CHN2: variants seen among roughly 807,000 people sequenced by gnomAD.
CHN2 encodes chimerin 2.
Under a neutral mutation model 56.3 loss-of-function variants are expected in CHN2, and 35 were observed. That is an observed-to-expected ratio of 0.62 (90% confidence interval 0.47 to 0.82). CHN2 has a LOEUF of 0.82. CHN2 is among the 40% of genes least tolerant of loss of function. CHN2 has a pLI of 0.00. For synonymous variants in CHN2, 210 were observed against 212.8 expected, an observed-to-expected ratio of 0.99 and a Z score of 0.12; for missense variants, 491 against 580.5, an observed-to-expected ratio of 0.85 and a Z score of 1.58.
At chr7:29,277,192 C>T (rs1030597433) in intron 1 of CHN2, among the ~76,000 whole-genome samples, 4 of 152,202 alleles carry the variant, frequency 2.6e-5, no homozygotes, top group Non-Finnish European at 4.4e-5. Context: ...AGATCATTAG[C>T]TGAGCAAGGA....
chr7:29,173,273 T>C (rs1796850402), intron 2 of CHN2, among the ~76,000 whole-genome samples: 1 of 152,150 alleles, frequency 6.6e-6, no homozygotes, highest in Non-Finnish European at 1.5e-5. Flanking sequence ...GCCCTGTAGC[T>C]GGCATTGCCC....
In CHN2 at chr7:29,514,177, C is replaced by T. The variant is rs1791809827; in HGVS notation, c.*1442C>T. The T allele has an allele frequency of 6.6e-6, 1 of 152,600 alleles. No homozygotes were observed. Among genetic ancestry groups the T allele is most frequent in the South Asian group, 2.1e-4 (1 of 4,830 alleles). 9.5% of individuals were successfully genotyped at this position (152,600 alleles called of 1,614,324 possible). ...GCTATTATCCCTCCTCCCAACTGTA[C>T]AGATTTGTTTGTTGTAGTTTATGTA... On this transcript the variant is annotated 3_prime_UTR_variant, in exon 13 of 13. Coordinates refer to ENST00000222792, the MANE Select transcript of CHN2 (RefSeq NM_004067.4).
chr7:29,393,458 G>C (rs542886021), intron 3 of CHN2, among the ~76,000 whole-genome samples: 1 of 152,148 alleles, frequency 6.6e-6, no homozygotes, highest in African/African-American at 2.4e-5. Context: ...GGATGATTGG[G>C]TTTGGGTGGG....
intron 7 of CHN2, among the ~76,000 whole-genome samples, chr7:29,482,790 C>CTTTTTT (rs1562644821): frequency 1.0e-5 from 1 of 97,948 alleles, no homozygotes; most frequent in Non-Finnish European, 2.0e-5. Flanking sequence ...GCTGTCTGCA[C>CTTTTTT]TTTTTTCTTT....
chr7:29,507,147 AT>A (rs11388362), intron 10 of CHN2, 80 bp from the exon 11 acceptor site: 15,169 of 986,392 alleles, frequency 0.015, 4 homozygotes, highest in African/African-American at 0.041. Context: ...TCATCGCTGG[AT>A]TTTTTTTTTT....
intron 9 of CHN2, among the ~76,000 whole-genome samples, chr7:29,502,719 T>G (rs1790105430): frequency 6.6e-6 from 1 of 151,820 alleles, no homozygotes; most frequent in African/African-American, 2.4e-5. Flanking sequence ...CCATACAACT[T>G]GGCATATTAT....
intron 1 of CHN2, among the ~76,000 whole-genome samples, chr7:29,276,593 A>T (rs1025839525): frequency 6.6e-6 from 1 of 152,226 alleles, no homozygotes; most frequent in Middle Eastern, 3.2e-3. Flanking sequence ...AAGTCTTCAT[A>T]GGATGATTGT....
At chr7:29,420,294 C>G (rs995456261) in intron 6 of CHN2, among the ~76,000 whole-genome samples, 10 of 152,118 alleles carry the variant, frequency 6.6e-5, no homozygotes, top group African/African-American at 2.2e-4. Flanking sequence ...GAATTGAAAG[C>G]AGGATCTCAA....
At chr7:29,216,610 T>C (rs1785365309) in intron 1 of CHN2, among the ~76,000 whole-genome samples, 1 of 152,222 alleles carries the variant, frequency 6.6e-6, no homozygotes, top group African/African-American at 2.4e-5. Context: ...CCCCAGCCTC[T>C]CAGTGAGCTG....
chr7:29,187,239 T>C (rs1251564971), intron 2 of CHN2, among the ~76,000 whole-genome samples: 1 of 152,186 alleles, frequency 6.6e-6, no homozygotes, highest in Non-Finnish European at 1.5e-5. Flanking sequence ...TATACTTTTA[T>C]TGAAATCTAC....
intron 1 of CHN2, among the ~76,000 whole-genome samples, chr7:29,248,863 A>G (rs1426127297): frequency 6.6e-6 from 1 of 152,208 alleles, no homozygotes; most frequent in Non-Finnish European, 1.5e-5. Flanking sequence ...AGCCGGGCTT[A>G]GAATCCTGTG....
At chr7:29,418,541 C>CT (rs1447737182) in intron 6 of CHN2, among the ~76,000 whole-genome samples, 1 of 152,188 alleles carries the variant, frequency 6.6e-6, no homozygotes, top group South Asian at 2.1e-4. Flanking sequence ...AAAATGAATT[C>CT]TTTTTTTGTT....
chr7:29,380,791 C>G (rs1368322166), intron 3 of CHN2: 1 of 152,162 alleles, frequency 6.6e-6, no homozygotes, highest in East Asian at 1.9e-4. Context: ...GTACTTCAAG[C>G]TCTTTGGGCT....
chr7:29,315,515 C>T (rs974920320), intron 1 of CHN2, among the ~76,000 whole-genome samples: 4 of 152,092 alleles, frequency 2.6e-5, no homozygotes, highest in African/African-American at 9.7e-5. Context: ...AATTAAGCTC[C>T]CTGAATGAAT....
At chr7:29,431,837 G>T (rs905367600) in intron 6 of CHN2, among the ~76,000 whole-genome samples, 2 of 152,166 alleles carry the variant, frequency 1.3e-5, no homozygotes, top group African/African-American at 4.8e-5. Context: ...TTCCAACAAA[G>T]AACTCTCTTT....
intron 1 of CHN2, among the ~76,000 whole-genome samples, chr7:29,206,190 C>T (rs996618605): frequency 2.0e-5 from 3 of 152,124 alleles, no homozygotes; most frequent in African/African-American, 7.2e-5. Context: ...GCAACTGTAG[C>T]CCCTTCCCTC....
chr7:29,355,481 G>A (rs765752705), intron 2 of CHN2, among the ~76,000 whole-genome samples: 2 of 152,046 alleles, frequency 1.3e-5, no homozygotes, highest in East Asian at 1.9e-4. Flanking sequence ...AGCTCCCCTC[G>A]TGAAGGCAGG....
rs563142050 is a variant in CHN2, at chr7:29,288,409, G to T, written c.50-66216G>T. 8.5e-5 allele frequency among the ~76,000 whole-genome samples: 13 copies of T among 152,304 alleles called. No individual in the cohort carries two copies. In the Middle Eastern group the frequency reaches 0.01, roughly 120 times the overall value. On this transcript the variant is annotated intron_variant, in intron 1 of 12. Transcript: ENST00000222792. ...ATGCAAAAGAAATTAGAAAAATGTA[G>T]CTGTTAATGAGACTCATCTGCGTTT...
chr7:29,340,455 C>T (rs1007278898), intron 1 of CHN2, among the ~76,000 whole-genome samples: 1 of 152,120 alleles, frequency 6.6e-6, no homozygotes, highest in African/African-American at 2.4e-5. Context: ...CATTGCAGAG[C>T]AGGTCCAGGC....
Sources: allele counts gnomAD v4.1 joint callset (sites outside exome capture counted in the v4.1 genomes callset), GRCh38; gene constraint gnomAD v4.1.1; transcripts MANE v1.5; gene names NCBI Gene and HGNC (gene_info 2026-07-23, HGNC 2026-07-21).